Variants in PPM1K observed in about 807,000 individuals in gnomAD.
The protein encoded by PPM1K is protein phosphatase, Mg2+/Mn2+ dependent 1K.
PPM1K carries 19 observed loss-of-function variants against 32.6 expected under a neutral mutation model. The ratio of observed to expected loss-of-function variants is 0.58; its 90% confidence interval spans 0.41 to 0.86. The LOEUF (loss-of-function observed/expected upper bound fraction) is 0.86. Ranked by LOEUF, PPM1K falls within the 40% of genes least tolerant of loss-of-function variation. The pLI is 0.00. For synonymous variants in PPM1K, 159 were observed against 165.3 expected (o/e 0.96, Z 0.29); for missense variants, 362 against 461.2 (o/e 0.78, Z 1.97).
chr4:88,258,287 G>A lies in PPM1K; in HGVS notation c.*4308C>T, dbSNP rs1730979878. On this transcript the variant is annotated 3_prime_UTR_variant, in exon 7 of 7. Transcript: ENST00000608933. ...ATGTCCTGTTTGATATTGATGAGTAGGCCTACTCATTCTCTACCAAAATCC... is the reference window on the plus strand; with the variant it reads ...ATGTCCTGTTTGATATTGATGAGTAAGCCTACTCATTCTCTACCAAAATCC... 2 of 151,830 alleles carry A rather than the reference G, an allele frequency of 1.3e-5. No individual in the cohort carries two copies. The highest frequency in any genetic ancestry group is 4.8e-5 in the African/African-American group (2 of 41,306). The allele number at this position is 151,830 out of a possible 1,614,324, so 9.4% of individuals were successfully genotyped here. A position where few individuals can be genotyped will look rare whatever the true frequency, so the allele number is the denominator to read the frequency against.
intron 3 of PPM1K, chr4:88,275,434 TGA>T: frequency 1.0e-6 from 1 of 984,986 alleles, no homozygotes; most frequent in Non-Finnish European, 1.2e-6. Context: ...AAAATTCTGT[TGA>T]GTTATACTTC....
chr4:88,264,881 T>G lies in PPM1K; in HGVS notation c.987+120A>C, dbSNP rs1731246264. The G allele has an allele frequency of 6.7e-6, 7 of 1,051,580 alleles. No homozygotes were observed. The South Asian group carries it at 1.5e-4, about 22-fold the overall frequency. The allele number at this position is 1,051,580 out of a possible 1,614,324, so 65.1% of individuals were successfully genotyped here. On this transcript the variant is annotated intron_variant, in intron 6 of 6. Coordinates refer to ENST00000608933, the MANE Select transcript of PPM1K (RefSeq NM_152542.5). Reference sequence around the variant, plus strand: ...CTTGGGGAAATAAAAATTTTATAATTGGAAATATTATGGAATCAAGTGTAA... The same window carrying G: ...CTTGGGGAAATAAAAATTTTATAATGGGAAATATTATGGAATCAAGTGTAA...
intron 5 of PPM1K, among the ~76,000 whole-genome samples, 172 bp from the exon 6 acceptor site, chr4:88,265,307 TA>T (rs1323749694): frequency 1.3e-5 from 2 of 152,242 alleles, no homozygotes; most frequent in Non-Finnish European, 1.5e-5. Flanking sequence ...ATAGCTACCA[TA>T]ATTCCCATGT....
Position 88,261,087 on chromosome 4 carries a change from A to T in PPM1K, c.*1508T>A, listed in dbSNP as rs1731098381. The T allele has an allele frequency of 6.6e-6, 1 of 152,236 alleles. No individual in the cohort carries two copies. Among genetic ancestry groups the T allele is most frequent in the African/African-American group, 2.4e-5 (1 of 41,472 alleles). 9.4% of individuals were successfully genotyped at this position (152,236 alleles called of 1,614,324 possible). The stretch of plus-strand genomic sequence containing the variant: ...CTCTAAAATATACATATGTACACAT[A>T]CTCACACATATAACAAATTTACATA... On this transcript the variant is annotated 3_prime_UTR_variant, in exon 7 of 7. Coordinates refer to ENST00000608933, the MANE Select transcript of PPM1K (RefSeq NM_152542.5).
chr4:88,268,929 A>G (rs1478990852), intron 3 of PPM1K, 23 bp from the exon 4 acceptor site: 1 of 1,576,246 alleles, frequency 6.3e-7, no homozygotes, highest in East Asian at 2.3e-5. Flanking sequence ...TGAAAAAAAG[A>G]GTACAAGTTA....
chr4:88,276,548 A>G (rs906355642), intron 3 of PPM1K: 1 of 985,474 alleles, frequency 1.0e-6, no homozygotes, highest in Non-Finnish European at 1.2e-6. Context: ...TTCAGCTAGC[A>G]TGACCTTATG....
Position 88,268,716 on chromosome 4 carries a change from TATGATGG to T in PPM1K, c.707+18_707+24del. ...TAAAAACATCATCCACATAGAATGA[TATGATGG>T]ATCAGTGGTGGTAGTACCTTTCTTT... On this transcript the variant is annotated intron_variant, in intron 4 of 6. Transcript: ENST00000608933. 1 of 1,591,304 alleles carries T rather than the reference TATGATGG, an allele frequency of 6.3e-7. No individual in the cohort carries two copies. Among genetic ancestry groups the T allele is most frequent in the Non-Finnish European group, 8.6e-7 (1 of 1,160,678 alleles).
At chr4:88,268,086 A>T in intron 5 of PPM1K, 104 bp downstream of exon 5, 1 of 1,261,344 alleles carries the variant, frequency 7.9e-7, no homozygotes, top group Non-Finnish European at 1.1e-6. Flanking sequence ...CTCCCTTTTA[A>T]AAATCATTTT....
rs748139343 is a variant in PPM1K at position 88,258,088 on chromosome 4, A to G, written c.*4507T>C. On this transcript the variant is annotated 3_prime_UTR_variant, in exon 7 of 7. Transcript: ENST00000608933. ...GACTTTATTTCTGCCTAAGTCATCT[A>G]TATAAGCGAATCTAATAAATACAAT... 2 of 152,226 alleles carry G rather than the reference A, an allele frequency of 1.3e-5. No individual in the cohort carries two copies. The highest frequency in any genetic ancestry group is 2.9e-5 in the Non-Finnish European group (2 of 68,048). The allele number at this position is 152,226 out of a possible 1,614,324, so 9.4% of individuals were successfully genotyped here. A position where few individuals can be genotyped will look rare whatever the true frequency, so the allele number is the denominator to read the frequency against.
intron 1 of PPM1K, among the ~76,000 whole-genome samples, chr4:88,282,781 C>A (rs1240530631): frequency 6.6e-6 from 1 of 152,196 alleles, no homozygotes; most frequent in Non-Finnish European, 1.5e-5. Context: ...GTATTCTATT[C>A]CCATAGATAT....
chr4:88,276,022 AG>A, intron 3 of PPM1K: 3 of 985,418 alleles, frequency 3.0e-6, no homozygotes, highest in Non-Finnish European at 3.6e-6. Flanking sequence ...GGAGTGTGAT[AG>A]TAAGGTTCTC....
chr4:88,277,253 G>A lies in PPM1K; in HGVS notation c.441-10C>T. 6.3e-7 allele frequency: 1 copy of A among 1,589,190 alleles called. No individual in the cohort carries two copies. Among genetic ancestry groups the A allele is most frequent in the Non-Finnish European group, 8.6e-7 (1 of 1,159,116 alleles). On this transcript the variant is annotated splice_polypyrimidine_tract_variant and intron_variant, in intron 2 of 6. Coordinates refer to ENST00000608933, the MANE Select transcript of PPM1K (RefSeq NM_152542.5). ...CTTAGGAAGCAAATCCCTTTGTGGG[G>A]AGGAAAAAAAGAGCCTTAAACAATC...
chr4:88,277,035 A>G (rs1731793075), intron 3 of PPM1K, 108 bp downstream of exon 3: 1 of 863,006 alleles, frequency 1.2e-6, no homozygotes, highest in Non-Finnish European at 1.8e-6. Context: ...CTTACAAACA[A>G]TTGTCCATTA....
chr4:88,266,495 C>T lies in PPM1K; in HGVS notation c.853-1360G>A, dbSNP rs557453387. ...TGATGCTGATTGGGTGCAGGTGATG[C>T]TGGCTGAATGGGTGCAGGTGATGCT... On this transcript the variant is annotated intron_variant, in intron 5 of 6. Coordinates refer to ENST00000608933, the MANE Select transcript of PPM1K (RefSeq NM_152542.5). Among the ~76,000 whole-genome samples, 412 of 135,104 alleles carry T rather than the reference C, an allele frequency of 3.0e-3. 2 individuals are homozygous for T. The highest frequency in any genetic ancestry group is 0.011 in the African/African-American group (395 of 34,880). The allele number at this position is 135,104 out of a possible 152,430, so 88.6% of individuals were successfully genotyped here.
rs548714624 is a variant in PPM1K, at chr4:88,261,082, C to G, written c.*1513G>C. On this transcript the variant is annotated 3_prime_UTR_variant, in exon 7 of 7. Coordinates refer to ENST00000608933, the MANE Select transcript of PPM1K (RefSeq NM_152542.5). Reference sequence around the variant, plus strand: ...TATTACTCTAAAATATACATATGTACACATACTCACACATATAACAAATTT... The same window carrying G: ...TATTACTCTAAAATATACATATGTAGACATACTCACACATATAACAAATTT... 1.5e-4 allele frequency: 23 copies of G among 152,202 alleles called. No homozygotes were observed. The highest frequency in any genetic ancestry group is 3.9e-4 in the East Asian group (2 of 5,184). 9.4% of individuals were successfully genotyped at this position (152,202 alleles called of 1,614,324 possible).
At chr4:88,281,409 C>A (rs922826316) in intron 1 of PPM1K, among the ~76,000 whole-genome samples, 3 of 152,066 alleles carry the variant, frequency 2.0e-5, no homozygotes, top group African/African-American at 7.2e-5. Flanking sequence ...TGCATTCTCA[C>A]AGAGAACAAA....
intron 3 of PPM1K, chr4:88,275,284 G>A: frequency 1.2e-6 from 1 of 845,286 alleles, no homozygotes; most frequent in Non-Finnish European, 1.4e-6. Flanking sequence ...TCCAATTTTA[G>A]TGTATGTGCT....
At chr4:88,277,446 GA>G (rs1731825081) in intron 2 of PPM1K, 3 of 504,610 alleles carry the variant, frequency 5.9e-6, no homozygotes, top group Non-Finnish European at 1.1e-5. Context: ...GCACAACAAT[GA>G]AAGTCCAAGT....
At position 88,268,602 on chromosome 4, in the gene PPM1K, C is replaced by A. The variant is rs1424775621; in HGVS notation, c.707+139G>T. ...CGCCACTGCACTCCAGCCTGGGCGA[C>A]AGAGTGAGACTCTGTCTCAAAAAAA... On this transcript the variant is annotated intron_variant, in intron 4 of 6. Coordinates refer to ENST00000608933, the MANE Select transcript of PPM1K (RefSeq NM_152542.5). 3.0e-5 allele frequency: 29 copies of A among 962,812 alleles called. No homozygotes were observed. In the Admixed American group the frequency reaches 3.1e-4, roughly 10 times the overall value. The allele number at this position is 962,812 out of a possible 1,614,324, so 59.6% of individuals were successfully genotyped here.
Sources: allele counts gnomAD v4.1 joint callset (sites outside exome capture counted in the v4.1 genomes callset), GRCh38; gene constraint gnomAD v4.1.1; transcripts MANE v1.5; gene names NCBI Gene and HGNC (gene_info 2026-07-23, HGNC 2026-07-21).